Variants in PPFIA2 observed in about 807,000 individuals in gnomAD.
PPFIA2 encodes the protein liprin-alpha-2.
In PPFIA2, 46 loss-of-function variants were observed where a neutral mutation model predicts 175.5. The observed-to-expected ratio is 0.26, with a 90% confidence interval of 0.21 to 0.34. PPFIA2 has a LOEUF of 0.34. Ranked by LOEUF, PPFIA2 falls within the 10% of genes least tolerant of loss-of-function variation. The probability of loss-of-function intolerance (pLI) is 1.00; values close to 1 mark genes in which losing one functional copy is unlikely to be tolerated. For missense variants in PPFIA2, 1,179 were observed against 1,506.1 expected (o/e 0.78, Z 3.60); for synonymous variants, 568 against 511.4 (o/e 1.11, Z -1.49).
intron 21 of PPFIA2, among the ~76,000 whole-genome samples, chr12:81,337,190 C>T (rs186242524): frequency 2.8e-4 from 43 of 152,164 alleles, no homozygotes; most frequent in African/African-American, 1.0e-3. Flanking sequence ...TTTGATTCAC[C>T]ATTTATGTAG....
At chr12:81,447,829 A>T (rs188978128) in intron 5 of PPFIA2, among the ~76,000 whole-genome samples, 1 of 152,244 alleles carries the variant, frequency 6.6e-6, no homozygotes, top group East Asian at 1.9e-4. Flanking sequence ...AAATTTACAT[A>T]CCTCATATAG....
At chr12:81,465,554 T>G (rs1337475158) in intron 4 of PPFIA2, among the ~76,000 whole-genome samples, 1 of 152,184 alleles carries the variant, frequency 6.6e-6, no homozygotes, top group South Asian at 2.1e-4. Context: ...TGTAGTTTGG[T>G]GTTTCCTCCT....
intron 22 of PPFIA2, among the ~76,000 whole-genome samples, chr12:81,304,500 G>T (rs2048665778): frequency 6.6e-6 from 1 of 152,140 alleles, no homozygotes; most frequent in African/African-American, 2.4e-5. Context: ...AATAGACTAA[G>T]GCAGTAAAGT....
At chr12:81,561,085 A>G (rs2069962728) in intron 4 of PPFIA2, among the ~76,000 whole-genome samples, 1 of 152,134 alleles carries the variant, frequency 6.6e-6, no homozygotes, top group South Asian at 2.1e-4. Context: ...ACTAAGTTTA[A>G]AAGTGTAATG....
Position 81,390,900 on chromosome 12 carries a change from A to T in PPFIA2, c.763-6656T>A, listed in dbSNP as rs372440970. Reference sequence around the variant, plus strand: ...ATTTTCAATTTTTTAAAGCAGTACAAGTATATATTTGAAATTATTAATGAT... The same window carrying T: ...ATTTTCAATTTTTTAAAGCAGTACATGTATATATTTGAAATTATTAATGAT... On this transcript the variant is annotated intron_variant, in intron 8 of 32. Coordinates refer to ENST00000549396, the MANE Select transcript of PPFIA2 (RefSeq NM_003625.5). Among the ~76,000 whole-genome samples, 6 of 151,914 alleles carry T rather than the reference A, an allele frequency of 3.9e-5. No individual in the cohort carries two copies. In the East Asian group the frequency reaches 9.7e-4, roughly 24 times the overall value.
At chr12:81,407,790 T>C (rs1000989986) in intron 7 of PPFIA2, among the ~76,000 whole-genome samples, 13 of 152,234 alleles carry the variant, frequency 8.5e-5, no homozygotes, top group Non-Finnish European at 1.9e-4. Context: ...CTCCTCAGAG[T>C]GAATGTGTGT....
rs869311003 is a variant in PPFIA2 at position 81,638,682 on chromosome 12, C to CTTTTTT, written c.303+38103_303+38108dup. ...ATTTTCTTGTTTTGTCATAAATTTTCTTTTTTTTTTTTTTTTTTTTTTTGA... is the reference window on the plus strand; with the variant it reads ...ATTTTCTTGTTTTGTCATAAATTTTCTTTTTTTTTTTTTTTTTTTTTTTTTTTTTGA... On this transcript the variant is annotated intron_variant, in intron 4 of 32. Transcript: ENST00000549396. Among the ~76,000 whole-genome samples the CTTTTTT allele has an allele frequency of 3.4e-3, 248 of 72,694 alleles. 11 individuals carry two copies. Among genetic ancestry groups the CTTTTTT allele is most frequent in the African/African-American group, 5.9e-3 (108 of 18,436 alleles). The allele number at this position is 72,694 out of a possible 152,430, so 47.7% of individuals were successfully genotyped here.
chr12:81,384,616 A>G (rs1034083895), intron 8 of PPFIA2, among the ~76,000 whole-genome samples: 2 of 151,976 alleles, frequency 1.3e-5, no homozygotes, highest in South Asian at 4.1e-4. Context: ...ACCATACATT[A>G]TTTTTAATTA....
At chr12:81,593,701 G>C (rs573501585) in intron 4 of PPFIA2, among the ~76,000 whole-genome samples, 1 of 152,296 alleles carries the variant, frequency 6.6e-6, no homozygotes, top group South Asian at 2.1e-4. Flanking sequence ...TAGCATGTGA[G>C]ATAAGTCTTT....
At chr12:81,261,684 T>C (rs1481741884) in intron 32 of PPFIA2, among the ~76,000 whole-genome samples, 1 of 152,086 alleles carries the variant, frequency 6.6e-6, no homozygotes, top group Admixed American at 6.6e-5. Flanking sequence ...TAGAAAACAG[T>C]GTAGTGGCAA....
At chr12:81,350,764 C>G (rs2059871010) in intron 17 of PPFIA2, among the ~76,000 whole-genome samples, 1 of 151,884 alleles carries the variant, frequency 6.6e-6, no homozygotes. Flanking sequence ...ATATGGAGAA[C>G]TAGCATACTA....
At chr12:81,504,352 T>A (rs892921123) in intron 4 of PPFIA2, among the ~76,000 whole-genome samples, 9 of 151,864 alleles carry the variant, frequency 5.9e-5, no homozygotes, top group Non-Finnish European at 4.4e-5. Context: ...AACAGACACT[T>A]CTCAAAAGAA....
intron 17 of PPFIA2, among the ~76,000 whole-genome samples, chr12:81,351,098 A>G (rs2059923114): frequency 6.6e-6 from 1 of 152,162 alleles, no homozygotes; most frequent in Non-Finnish European, 1.5e-5. Flanking sequence ...TTAAAATAAA[A>G]GTATCAGAGT....
chr12:81,288,277 A>G (rs2043999668), intron 24 of PPFIA2, among the ~76,000 whole-genome samples: 1 of 151,808 alleles, frequency 6.6e-6, no homozygotes, highest in Non-Finnish European at 1.5e-5. Flanking sequence ...GATGAGGCAC[A>G]TGAGGTCCTG....
chr12:81,472,329 T>C (rs1025852406), intron 4 of PPFIA2, among the ~76,000 whole-genome samples: 1 of 152,192 alleles, frequency 6.6e-6, no homozygotes, highest in Non-Finnish European at 1.5e-5. Flanking sequence ...ATGAATTGCA[T>C]TTTTAATGGC....
At chr12:81,607,706 T>C (rs1031356628) in intron 4 of PPFIA2, among the ~76,000 whole-genome samples, 5 of 151,998 alleles carry the variant, frequency 3.3e-5, no homozygotes, top group African/African-American at 1.2e-4. Context: ...GCAGAGTCTT[T>C]AGAGTTTTCT....
At position 81,368,708 on chromosome 12, in the gene PPFIA2, C is replaced by T; in HGVS notation, c.1482+17G>A. ...ATTGCAAAATATTCATGTGATTTTA[C>T]CCTTCTATCGTTTTACCTTTTCTTC... On this transcript the variant is annotated intron_variant, in intron 13 of 32. Coordinates refer to ENST00000549396, the MANE Select transcript of PPFIA2 (RefSeq NM_003625.5). 6.3e-7 allele frequency: 1 copy of T among 1,597,314 alleles called. No homozygotes were observed. Among genetic ancestry groups the T allele is most frequent in the Non-Finnish European group, 8.5e-7 (1 of 1,172,408 alleles).
intron 4 of PPFIA2, among the ~76,000 whole-genome samples, chr12:81,521,954 T>A (rs1229116796): frequency 2.6e-5 from 4 of 152,212 alleles, no homozygotes; most frequent in Non-Finnish European, 5.9e-5. Flanking sequence ...AAGGATTAAT[T>A]TTTGCAATTG....
At chr12:81,527,687 G>A (rs1000677728) in intron 4 of PPFIA2, among the ~76,000 whole-genome samples, 14 of 151,946 alleles carry the variant, frequency 9.2e-5, no homozygotes, top group Admixed American at 5.9e-4. Flanking sequence ...GAATTCTTAT[G>A]TTCCACCCAA....
Sources: gnomAD v4.1 joint callset for allele counts (sites outside exome capture counted in the v4.1 genomes callset) on GRCh38, gnomAD v4.1.1 for gene constraint, MANE v1.5 for transcripts, NCBI Gene and HGNC (gene_info 2026-07-23, HGNC 2026-07-21) for gene names.